Variants in MNAT1 observed in about 807,000 individuals in gnomAD.
MNAT1 encodes MNAT1 component of CDK activating kinase.
MNAT1 carries 43 observed loss-of-function variants against 42.0 expected under a neutral mutation model. That is an observed-to-expected ratio of 1.02 (90% CI 0.80 to 1.32). The LOEUF (loss-of-function observed/expected upper bound fraction) is 1.32. MNAT1 is among the 40% of genes most tolerant of loss of function. The pLI is 0.00. For missense variants in MNAT1, 306 were observed against 350.4 expected, an observed-to-expected ratio of 0.87 and a Z score of 1.01; for synonymous variants, 118 against 120.0, an observed-to-expected ratio of 0.98 and a Z score of 0.11.
At chr14:60,855,272 A>G (rs1010779433) in intron 6 of MNAT1, among the ~76,000 whole-genome samples, 3 of 151,902 alleles carry the variant, frequency 2.0e-5, no homozygotes, top group Non-Finnish European at 4.4e-5. Flanking sequence ...GACTTGCTGA[A>G]TGAGACCACT....
At chr14:60,932,544 G>GT (rs1370684619) in intron 7 of MNAT1, among the ~76,000 whole-genome samples, 1 of 151,638 alleles carries the variant, frequency 6.6e-6, no homozygotes, top group African/African-American at 2.4e-5. Context: ...TTTCAGCTCT[G>GT]TTTTTTTCTT....
At chr14:60,855,943 CCTT>C (rs1272801399) in intron 6 of MNAT1, among the ~76,000 whole-genome samples, 4 of 152,210 alleles carry the variant, frequency 2.6e-5, no homozygotes, top group South Asian at 2.1e-4. Context: ...TCATCTCTCT[CCTT>C]CTCCTCAGGC....
chr14:60,780,138 T>C (rs2031405395), intron 1 of MNAT1: 6 of 1,508,906 alleles, frequency 4.0e-6, no homozygotes, highest in South Asian at 2.2e-5. Context: ...CTCACCTTGC[T>C]TGTAACTACT....
chr14:60,758,410 C>A (rs1339283920), intron 1 of MNAT1, among the ~76,000 whole-genome samples: 1 of 151,898 alleles, frequency 6.6e-6, no homozygotes, highest in African/African-American at 2.4e-5. Context: ...ACTGTGTTGC[C>A]CAGGTTGGTC....
At chr14:60,850,498 A>T (rs2033798486) in intron 6 of MNAT1, among the ~76,000 whole-genome samples, 1 of 152,216 alleles carries the variant, frequency 6.6e-6, no homozygotes, top group Non-Finnish European at 1.5e-5. Context: ...CCTTGCCTTT[A>T]TACAGAAGAT....
chr14:60,836,860 C>T (rs1477551092), intron 6 of MNAT1, among the ~76,000 whole-genome samples: 1 of 152,178 alleles, frequency 6.6e-6, no homozygotes, highest in Non-Finnish European at 1.5e-5. Context: ...CCCCAAGGTG[C>T]TCTGTCCTAG....
chr14:60,773,721 T>G (rs564039325), intron 1 of MNAT1, among the ~76,000 whole-genome samples: 3 of 152,370 alleles, frequency 2.0e-5, no homozygotes, highest in Non-Finnish European at 2.9e-5. Flanking sequence ...TTGTCTCTTA[T>G]GTTTGAAGCA....
At chr14:60,781,664 T>C (rs1167600879) in intron 1 of MNAT1, among the ~76,000 whole-genome samples, 2 of 152,068 alleles carry the variant, frequency 1.3e-5, no homozygotes, top group African/African-American at 4.8e-5. Context: ...TTTAGTTACT[T>C]TTAGGAAATT....
rs777534631 is a variant in MNAT1 at position 60,811,965 on chromosome 14, C to T, written c.421-22C>T. The T allele has an allele frequency of 9.7e-6, 15 of 1,539,002 alleles. No homozygotes were observed. The Admixed American group carries it at 1.1e-4, about 11-fold the overall frequency. On this transcript the variant is annotated intron_variant, in intron 4 of 7. Transcript: ENST00000261245. Reference sequence around the variant, plus strand: ...CTTGGCTCCTAAATTTATTCCACGCCATATATAAATTTTTGTTTTAGACTC... The same window carrying T: ...CTTGGCTCCTAAATTTATTCCACGCTATATATAAATTTTTGTTTTAGACTC...
intron 1 of MNAT1, chr14:60,780,276 G>T (rs766331872): frequency 1.9e-5 from 28 of 1,458,290 alleles, no homozygotes; most frequent in Non-Finnish European, 2.7e-5. Flanking sequence ...CTGGAAAGAT[G>T]ACAGTTTGAT....
chr14:60,792,116 C>T (rs1479230897), intron 1 of MNAT1, among the ~76,000 whole-genome samples: 1 of 152,012 alleles, frequency 6.6e-6, no homozygotes, highest in Non-Finnish European at 1.5e-5. Context: ...AAATTGACTG[C>T]CTTTTCTAAA....
chr14:60,796,316 T>C lies in MNAT1; in HGVS notation c.189T>C (p.Phe63=). The change falls in exon 2 of 8, where the codon TTT becomes TTC. Residue 63 remains phenylalanine (F), a synonymous_variant. Transcript: ENST00000261245. ...LRKSNFRVQL[F]EDPTVDKEVE... is the part of the protein sequence containing the mutation. ...AGAGCAACTTCAGGGTACAACTCTT[T>C]GAAGATCCCACTGTTGACAAGGAGG... The C allele has an allele frequency of 6.2e-7, 1 of 1,613,680 alleles. No homozygotes were observed. Among genetic ancestry groups the C allele is most frequent in the Non-Finnish European group, 8.5e-7 (1 of 1,179,732 alleles).
chr14:60,926,125 T>C (rs765398692), intron 7 of MNAT1, among the ~76,000 whole-genome samples: 14 of 152,172 alleles, frequency 9.2e-5, no homozygotes, highest in Non-Finnish European at 1.5e-4. Flanking sequence ...TGAGGTAAAC[T>C]CATTACCTCA....
intron 1 of MNAT1, among the ~76,000 whole-genome samples, chr14:60,787,055 G>A (rs2031674471): frequency 6.6e-6 from 1 of 152,132 alleles, no homozygotes; most frequent in Non-Finnish European, 1.5e-5. Context: ...GCTTGGTTTA[G>A]TGGGACATCG....
In MNAT1 at chr14:60,890,897, G is replaced by A. The variant is rs548273897; in HGVS notation, c.809+11062G>A. ...GGCAACACCCTCACAGACACACCCA[G>A]GAACAATACTTTGCATCCTTCCATC... is the stretch of plus-strand genomic sequence containing the variant. On this transcript the variant is annotated intron_variant, in intron 7 of 7. Coordinates refer to ENST00000261245, the MANE Select transcript of MNAT1 (RefSeq NM_002431.4). Among the ~76,000 whole-genome samples the A allele has an allele frequency of 3.9e-5, 6 of 152,228 alleles. No homozygotes were observed. In the South Asian group the frequency reaches 1.0e-3, roughly 26 times the overall value.
At chr14:60,841,161 A>G (rs949546365) in intron 6 of MNAT1, among the ~76,000 whole-genome samples, 22 of 136,502 alleles carry the variant, frequency 1.6e-4, no homozygotes, top group African/African-American at 6.0e-4. Context: ...CTCCCTTTCC[A>G]TTTCCTTTTC....
intron 6 of MNAT1, among the ~76,000 whole-genome samples, chr14:60,859,662 A>G (rs760606637): frequency 5.9e-5 from 9 of 152,034 alleles, no homozygotes; most frequent in South Asian, 2.1e-4. Context: ...AAGTTTCACA[A>G]TTTTTTTTAA....
intron 2 of MNAT1, among the ~76,000 whole-genome samples, chr14:60,797,096 CT>C (rs1490786996): frequency 6.6e-6 from 1 of 151,852 alleles, no homozygotes; most frequent in African/African-American, 2.4e-5. Flanking sequence ...TTCCTTTTAT[CT>C]GTTATTATGA....
At chr14:60,780,736 A>G (rs893184771) in intron 1 of MNAT1, 11 of 589,160 alleles carry the variant, frequency 1.9e-5, no homozygotes, top group Non-Finnish European at 3.3e-5. Flanking sequence ...AACTGTGTGT[A>G]ATTGTTCCTT....
Sources: allele counts gnomAD v4.1 joint callset (sites outside exome capture counted in the v4.1 genomes callset), GRCh38; gene constraint gnomAD v4.1.1; transcripts MANE v1.5; gene names NCBI Gene and HGNC (gene_info 2026-07-23, HGNC 2026-07-21).